Variants in NOTCH2NLC observed in about 807,000 individuals in gnomAD.
NOTCH2NLC encodes the protein notch homolog 2 N-terminal-like protein C.
NOTCH2NLC carries 4 observed loss-of-function variants against 17.7 expected under a neutral mutation model. The ratio of observed to expected loss-of-function variants is 0.23; its 90% confidence interval spans 0.11 to 0.52. NOTCH2NLC has a LOEUF of 0.52. Ranked by LOEUF, NOTCH2NLC falls within the 20% of genes least tolerant of loss-of-function variation. NOTCH2NLC has a pLI of 0.96. For synonymous variants in NOTCH2NLC, 18 were observed against 86.0 expected (o/e 0.21, Z 4.38); for missense variants, 57 against 207.2 (o/e 0.28, Z 4.45).
At chr1:149,461,941 T>G (rs1338514021) in intron 3 of NOTCH2NLC, among the ~76,000 whole-genome samples, 2 of 136,834 alleles carry the variant, frequency 1.5e-5, no homozygotes, top group Non-Finnish European at 3.2e-5. Flanking sequence ...ATGAGAACAC[T>G]TGGACACAGG....
At chr1:149,431,727 AT>A (rs1177916156) in intron 2 of NOTCH2NLC, among the ~76,000 whole-genome samples, 1 of 116,714 alleles carries the variant, frequency 8.6e-6, no homozygotes, top group African/African-American at 3.0e-5. Flanking sequence ...TTATATTCAT[AT>A]TTTTTTCTAG....
chr1:149,398,387 G>T lies in NOTCH2NLC; in HGVS notation c.135+7465G>T, dbSNP rs1452256524. 3.1e-4 allele frequency among the ~76,000 whole-genome samples: 47 copies of T among 150,024 alleles called. 1 individual carries two copies. The East Asian group carries it at 8.1e-3, about 26-fold the overall frequency. ...GTCCCGAATGCCAAGCCTGAACTAG[G>T]ACAAGTTATGGTGGAAATATCTTCC... On this transcript the variant is annotated intron_variant, in intron 1 of 4. Transcript: ENST00000650865.
Position 149,428,592 on chromosome 1 carries a change from A to G in NOTCH2NLC, c.136-2350A>G, listed in dbSNP as rs1305998359. Among the ~76,000 whole-genome samples, 17 of 151,094 alleles carry G rather than the reference A, an allele frequency of 1.1e-4. 1 individual carries two copies. Among genetic ancestry groups the G allele is most frequent in the African/African-American group, 4.1e-4 (17 of 41,204 alleles). On this transcript the variant is annotated intron_variant, in intron 1 of 4. Transcript: ENST00000650865. ...CTGAGTCATGGGTGGCTGGGTCACT[A>G]TGTACTCCAGGTTTCTTCAGGCACT...
intron 2 of NOTCH2NLC, among the ~76,000 whole-genome samples, chr1:149,432,588 G>A (rs2084459287): frequency 6.6e-6 from 1 of 151,032 alleles, no homozygotes; most frequent in African/African-American, 2.4e-5. Flanking sequence ...TGTGGCATTT[G>A]GTGCCTTAGT....
intron 1 of NOTCH2NLC, among the ~76,000 whole-genome samples, chr1:149,421,455 C>T (rs1179785273): frequency 4.3e-4 from 61 of 142,134 alleles, no homozygotes; most frequent in African/African-American, 1.5e-3. Context: ...GCTGAGATTG[C>T]GCCACTGCAC....
At chr1:149,416,989 T>A (rs1162734938) in intron 1 of NOTCH2NLC, among the ~76,000 whole-genome samples, 1 of 147,482 alleles carries the variant, frequency 6.8e-6, no homozygotes, top group African/African-American at 2.5e-5. Context: ...TTCGTGTAAA[T>A]GTTTTTGATG....
intron 1 of NOTCH2NLC, among the ~76,000 whole-genome samples, chr1:149,430,685 C>T (rs1159795515): frequency 2.0e-5 from 3 of 149,816 alleles, no homozygotes; most frequent in Admixed American, 2.0e-4. Context: ...GGAGATGTAA[C>T]AGCTGGAGAT....
chr1:149,395,815 CTT>C (rs1356621940), intron 1 of NOTCH2NLC, among the ~76,000 whole-genome samples: 7 of 136,226 alleles, frequency 5.1e-5, no homozygotes, highest in African/African-American at 8.0e-5. Flanking sequence ...AGTATATTTG[CTT>C]TTTTTTTTTT....
At chr1:149,457,538 A>G (rs1570920655) in intron 3 of NOTCH2NLC, among the ~76,000 whole-genome samples, 1 of 145,390 alleles carries the variant, frequency 6.9e-6, no homozygotes, top group African/African-American at 2.5e-5. Flanking sequence ...TATATTGGCA[A>G]TCTTTATATA....
chr1:149,425,501 A>T (rs1214834395), intron 1 of NOTCH2NLC, among the ~76,000 whole-genome samples: 1 of 151,322 alleles, frequency 6.6e-6, no homozygotes, highest in East Asian at 1.9e-4. Flanking sequence ...AATACTGGGC[A>T]CGTAAAGTAA....
chr1:149,423,371 A>AT (rs1189980046), intron 1 of NOTCH2NLC, among the ~76,000 whole-genome samples: 15 of 149,406 alleles, frequency 1.0e-4, no homozygotes, highest in African/African-American at 2.2e-4. Context: ...GTTTGTTTGG[A>AT]TTTTTTTTTC....
intron 1 of NOTCH2NLC, among the ~76,000 whole-genome samples, chr1:149,402,112 T>C (rs1427277880): frequency 2.0e-5 from 3 of 150,002 alleles, no homozygotes. Flanking sequence ...GGAGTTTTGC[T>C]CTTGTTGCCC....
rs1307303883 is a variant in NOTCH2NLC, at chr1:149,423,968, C to T, written c.136-6974C>T. Among the ~76,000 whole-genome samples, 10 of 150,314 alleles carry T rather than the reference C, an allele frequency of 6.7e-5. 1 individual carries two copies. Among genetic ancestry groups the T allele is most frequent in the Non-Finnish European group, 1.3e-4 (9 of 67,386 alleles). The stretch of plus-strand genomic sequence containing the variant: ...TGGCTGAAGTACAGACTTAATTACT[C>T]ATGTTAGAGATTCCTAAAACAAAGG... On this transcript the variant is annotated intron_variant, in intron 1 of 4. Transcript: ENST00000650865.
chr1:149,461,954 G>GTCCC (rs2084652461), intron 3 of NOTCH2NLC, among the ~76,000 whole-genome samples: 1 of 138,300 alleles, frequency 7.2e-6, no homozygotes, highest in African/African-American at 2.7e-5. Flanking sequence ...GACACAGGAA[G>GTCCC]GGGAACATCA....
At chr1:149,428,660 G>A (rs1236555006) in intron 1 of NOTCH2NLC, among the ~76,000 whole-genome samples, 8 of 149,598 alleles carry the variant, frequency 5.3e-5, no homozygotes, top group Admixed American at 5.3e-4. Context: ...GCTGTCGCTG[G>A]TGGATCACAG....
At chr1:149,393,305 G>C (rs2084185959) in intron 1 of NOTCH2NLC, among the ~76,000 whole-genome samples, 1 of 151,020 alleles carries the variant, frequency 6.6e-6, no homozygotes, top group African/African-American at 2.4e-5. Flanking sequence ...GTGTTCTTTA[G>C]ATGCTAAACT....
At chr1:149,408,637 ACT>A (rs2084282338) in intron 1 of NOTCH2NLC, among the ~76,000 whole-genome samples, 1 of 151,278 alleles carries the variant, frequency 6.6e-6, no homozygotes, top group East Asian at 2.0e-4. Context: ...TAAAATTTTA[ACT>A]CTGCCAAATG....
chr1:149,390,817 C>CGGCGGAGGA lies in NOTCH2NLC; in HGVS notation c.35_36insAGGAGGCGG (p.Gly16_Gly18dup), dbSNP rs1444175595. The CGGCGGAGGA allele has an allele frequency of 3.5e-5, 46 of 1,301,530 alleles. 4 individuals are homozygous for CGGCGGAGGA. The highest frequency in any genetic ancestry group is 4.3e-5 in the Non-Finnish European group (44 of 1,023,212). The allele number at this position is 1,301,530 out of a possible 1,614,324, so 80.6% of individuals were successfully genotyped here. ...GGATCTGCCCAGGCGGCGGCGGCGGCGGCGGCGGCGGCGGAGGAGGCGGCG... is the reference window on the plus strand; with the variant it reads ...GGATCTGCCCAGGCGGCGGCGGCGGCGGCGGAGGAGGCGGCGGCGGCGGAGGAGGCGGCG... On this transcript the variant is annotated inframe_insertion, in exon 1 of 5. Transcript: ENST00000650865.
Position 149,390,659 on chromosome 1 carries a change from C to T in NOTCH2NLC, c.-129C>T. 3 of 1,208,430 alleles carry T rather than the reference C, an allele frequency of 2.5e-6. No homozygotes were observed. The highest frequency in any genetic ancestry group is 4.6e-5 in the Admixed American group (1 of 21,726). 74.9% of individuals were successfully genotyped at this position (1,208,430 alleles called of 1,614,324 possible). On this transcript the variant is annotated 5_prime_UTR_variant, in exon 1 of 5. Coordinates refer to ENST00000650865, the MANE Select transcript of NOTCH2NLC (RefSeq NM_001364013.2). ...GGCGGCTGAGGCGGCGGCCGAGGAGCGGCGGACTCGGGGCGCGGGGAGTCG... is the reference window on the plus strand; with the variant it reads ...GGCGGCTGAGGCGGCGGCCGAGGAGTGGCGGACTCGGGGCGCGGGGAGTCG...
Sources: allele counts gnomAD v4.1 joint callset (sites outside exome capture counted in the v4.1 genomes callset), GRCh38; gene constraint gnomAD v4.1.1; transcripts MANE v1.5; gene names NCBI Gene and HGNC (gene_info 2026-07-23, HGNC 2026-07-21).